Variants in METTL15 observed in about 807,000 individuals in gnomAD.
METTL15 encodes the protein methyltransferase 15, mitochondrial 12S rRNA N4-cytidine, also known as 12S rRNA N(4)-cytidine methyltransferase METTL15.
METTL15 carries 34 observed loss-of-function variants against 38.3 expected under a neutral mutation model. The observed-to-expected ratio is 0.89, with a 90% CI of 0.68 to 1.18. METTL15 has a LOEUF of 1.18. Among genes scored for constraint, METTL15 ranks in the 50% most tolerant of loss-of-function variants. The pLI is 0.00. For missense variants in METTL15, 438 were observed against 498.4 expected (o/e 0.88, Z 1.15); for synonymous variants, 162 against 170.9 (o/e 0.95, Z 0.41).
intron 3 of METTL15, among the ~76,000 whole-genome samples, chr11:28,209,590 C>T (rs1021491652): frequency 3.9e-5 from 6 of 151,994 alleles, no homozygotes; most frequent in African/African-American, 1.2e-4. Flanking sequence ...TGTACATTTT[C>T]ACCACATTTA....
At chr11:28,388,388 A>G (rs1850463560) in intron 5 of METTL15, among the ~76,000 whole-genome samples, 1 of 152,150 alleles carries the variant, frequency 6.6e-6, no homozygotes, top group Admixed American at 6.6e-5. Flanking sequence ...GAATCAACAC[A>G]AAAAAATCAA....
chr11:28,324,922 T>G (rs1849584430), intron 6 of METTL15, among the ~76,000 whole-genome samples: 1 of 152,204 alleles, frequency 6.6e-6, no homozygotes. Context: ...CTCTCTACAC[T>G]GTTCGCCTTT....
intron 5 of METTL15, among the ~76,000 whole-genome samples, chr11:28,420,785 C>T (rs1046024598): frequency 1.3e-5 from 2 of 151,960 alleles, no homozygotes; most frequent in Admixed American, 1.3e-4. Context: ...TTCCAATAAA[C>T]AACCCAGCAA....
In METTL15 at chr11:28,144,490, A is replaced by T. The variant is rs573950166; in HGVS notation, c.270+30886A>T. Among the ~76,000 whole-genome samples the T allele has an allele frequency of 1.3e-4, 20 of 152,200 alleles. No homozygotes were observed. In the East Asian group the frequency reaches 3.3e-3, roughly 25 times the overall value. ...AAGTAATGCAACTTTGAAACTCATTATTGTGTTTACTCCAGAGATGGAGGA... is the reference window on the plus strand; with the variant it reads ...AAGTAATGCAACTTTGAAACTCATTTTTGTGTTTACTCCAGAGATGGAGGA... On this transcript the variant is annotated intron_variant, in intron 3 of 6. Transcript: ENST00000407364.
chr11:28,131,878 G>T (rs768244199), intron 3 of METTL15, among the ~76,000 whole-genome samples: 1 of 152,080 alleles, frequency 6.6e-6, no homozygotes, highest in African/African-American at 2.4e-5. Context: ...GCCTTGTTGA[G>T]CTATTTAGTT....
chr11:28,176,526 TA>T (rs1851081366), intron 3 of METTL15, among the ~76,000 whole-genome samples: 1 of 152,164 alleles, frequency 6.6e-6, no homozygotes, highest in African/African-American at 2.4e-5. Context: ...TAATAAGGGT[TA>T]AATCAGTTAA....
intron 3 of METTL15, among the ~76,000 whole-genome samples, chr11:28,130,685 T>A (rs1852729197): frequency 6.6e-6 from 1 of 152,178 alleles, no homozygotes; most frequent in African/African-American, 2.4e-5. Flanking sequence ...CATGCGCAGA[T>A]GTTGCATTCA....
chr11:28,290,514 C>T lies in METTL15; in HGVS notation c.599+117C>T, dbSNP rs1185551615. The T allele has an allele frequency of 4.8e-6, 4 of 831,888 alleles. No homozygotes were observed. In the East Asian group the frequency reaches 9.9e-5, roughly 21 times the overall value. 51.5% of individuals were successfully genotyped at this position (831,888 alleles called of 1,614,324 possible). A position where few individuals can be genotyped will look rare whatever the true frequency, so the allele number is the denominator to read the frequency against. Reference sequence around the variant, plus strand: ...ATTACATGCCTACACCTAACACTACCAATACATAATAAATCAGTTTGTTTC... The same window carrying T: ...ATTACATGCCTACACCTAACACTACTAATACATAATAAATCAGTTTGTTTC... On this transcript the variant is annotated intron_variant, in intron 5 of 6. Coordinates refer to ENST00000407364, the MANE Select transcript of METTL15 (RefSeq NM_001113528.2).
intron 3 of METTL15, among the ~76,000 whole-genome samples, chr11:28,151,888 TC>T (rs1850102415): frequency 6.6e-6 from 1 of 152,012 alleles, no homozygotes; most frequent in African/African-American, 2.4e-5. Context: ...TCCTGAGTGT[TC>T]CCCTCAATAA....
intron 6 of METTL15, among the ~76,000 whole-genome samples, chr11:28,469,807 G>A (rs912877405): frequency 5.3e-5 from 8 of 152,028 alleles, no homozygotes; most frequent in Non-Finnish European, 5.9e-5. Flanking sequence ...GAGAGGAAGG[G>A]AGGCAAACAG....
chr11:28,456,251 C>G (rs1353297297), intron 6 of METTL15, among the ~76,000 whole-genome samples: 2 of 151,890 alleles, frequency 1.3e-5, no homozygotes, highest in Non-Finnish European at 2.9e-5. Context: ...TTCAAGTGAT[C>G]CTTCTGTCTC....
At chr11:28,266,912 C>T (rs556866804) in intron 4 of METTL15, among the ~76,000 whole-genome samples, 2 of 152,252 alleles carry the variant, frequency 1.3e-5, no homozygotes, top group East Asian at 3.9e-4. Context: ...ATAATCCCAG[C>T]ACTTTGGGAG....
chr11:28,271,401 G>C (rs1190176281), intron 4 of METTL15, among the ~76,000 whole-genome samples: 1 of 152,114 alleles, frequency 6.6e-6, no homozygotes, highest in Non-Finnish European at 1.5e-5. Flanking sequence ...CATGAGGCTA[G>C]TCTGGTTAAT....
chr11:28,186,404 T>G (rs187604120), intron 3 of METTL15, among the ~76,000 whole-genome samples: 7 of 151,452 alleles, frequency 4.6e-5, no homozygotes, highest in African/African-American at 1.4e-4. Flanking sequence ...GTATATATCT[T>G]AATAATCTTT....
intron 5 of METTL15, among the ~76,000 whole-genome samples, chr11:28,395,504 G>T (rs1452058103): frequency 6.6e-6 from 1 of 152,066 alleles, no homozygotes; most frequent in South Asian, 2.1e-4. Context: ...AGAAAATCTA[G>T]AAGAAATGGT....
rs1854625663 is a variant in METTL15, at chr11:28,248,944, T to C, written c.407+37746T>C. On this transcript the variant is annotated intron_variant, in intron 4 of 6. Transcript: ENST00000407364. ...ATAATCTTTTTTTCAGACTGCTCTG[T>C]CTTCACCCTTTCTTTGTTATTTCTC... is the stretch of plus-strand genomic sequence containing the variant. 2.0e-5 allele frequency among the ~76,000 whole-genome samples: 3 copies of C among 152,040 alleles called. No individual in the cohort carries two copies. In the South Asian group the frequency reaches 6.2e-4, roughly 31 times the overall value.
intron 5 of METTL15, among the ~76,000 whole-genome samples, chr11:28,403,683 A>G (rs1456497452): frequency 6.6e-6 from 1 of 152,202 alleles, no homozygotes; most frequent in Non-Finnish European, 1.5e-5. Context: ...AGATACTCTC[A>G]TGACACAAGA....
chr11:28,226,474 A>T (rs1024812809), intron 4 of METTL15, among the ~76,000 whole-genome samples: 2 of 152,002 alleles, frequency 1.3e-5, no homozygotes, highest in African/African-American at 2.4e-5. Context: ...ATATGATATA[A>T]TATATTCTGA....
intron 4 of METTL15, among the ~76,000 whole-genome samples, chr11:28,242,252 A>G (rs563036544): frequency 1.3e-5 from 2 of 152,188 alleles, no homozygotes; most frequent in Non-Finnish European, 2.9e-5. Context: ...TTCTGTTACT[A>G]TATTTAGGTT....
Sources: gnomAD v4.1 joint callset for allele counts (sites outside exome capture counted in the v4.1 genomes callset) on GRCh38, gnomAD v4.1.1 for gene constraint, MANE v1.5 for transcripts, NCBI Gene and HGNC (gene_info 2026-07-23, HGNC 2026-07-21) for gene names.